The following IGF1R variants were observed in gnomAD, a reference collection of about 807,000 sequenced individuals.
IGF1R encodes insulin-like growth factor 1 receptor.
A neutral mutation model predicts 144.6 loss-of-function variants in IGF1R; 44 were observed. The observed-to-expected ratio is 0.30, with a 90% CI of 0.24 to 0.39. The LOEUF is 0.39. IGF1R is among the 10% of genes least tolerant of loss of function. The probability of loss-of-function intolerance (pLI) is 1.00; values close to 1 mark genes in which losing one functional copy is unlikely to be tolerated. For missense variants in IGF1R, 1,355 were observed against 1,833.7 expected, an observed-to-expected ratio of 0.74 and a Z score of 4.77; for synonymous variants, 795 against 722.8, an observed-to-expected ratio of 1.10 and a Z score of -1.60.
intron 2 of IGF1R, among the ~76,000 whole-genome samples, chr15:98,880,412 G>A (rs1363358728): frequency 3.3e-5 from 5 of 152,140 alleles, no homozygotes; most frequent in African/African-American, 7.2e-5. Flanking sequence ...TCTGCCCAGC[G>A]TTGCGTGTTG....
At chr15:98,884,563 G>A (rs543462918) in intron 2 of IGF1R, among the ~76,000 whole-genome samples, 56 of 151,906 alleles carry the variant, frequency 3.7e-4, no homozygotes, top group Non-Finnish European at 7.2e-4. Flanking sequence ...GCATGGTGGC[G>A]GGCGCCTGTA....
At chr15:98,688,414 C>CTGTG (rs10528336) in intron 1 of IGF1R, among the ~76,000 whole-genome samples, 6,259 of 143,542 alleles carry the variant, frequency 0.044, 179 homozygotes, top group South Asian at 0.07. Context: ...CAACACACAC[C>CTGTG]TGTGTGTGTG....
chr15:98,796,725 A>G (rs2056250913), intron 2 of IGF1R, among the ~76,000 whole-genome samples: 1 of 152,222 alleles, frequency 6.6e-6, no homozygotes, highest in Non-Finnish European at 1.5e-5. Flanking sequence ...ATGTATTCTT[A>G]TACATACACA....
At chr15:98,854,943 C>T (rs372592223) in intron 2 of IGF1R, among the ~76,000 whole-genome samples, 6 of 141,224 alleles carry the variant, frequency 4.2e-5, no homozygotes, top group African/African-American at 1.9e-4. Context: ...CCACCCCTGC[C>T]CCCCCCAACA....
Position 98,952,241 on chromosome 15 carries a change from C to T in IGF1R, c.3722+3533C>T, listed in dbSNP as rs529417797. 9.2e-5 allele frequency among the ~76,000 whole-genome samples: 14 copies of T among 151,678 alleles called. No individual in the cohort carries two copies. The South Asian group carries it at 2.7e-3, about 29-fold the overall frequency. On this transcript the variant is annotated intron_variant, in intron 20 of 20. Coordinates refer to ENST00000650285, the MANE Select transcript of IGF1R (RefSeq NM_000875.5). ...GTCAATCACGTGGGGATGTGAGCTCCAGGACACAGGGGAGAGGACCACTGG... is the reference window on the plus strand; with the variant it reads ...GTCAATCACGTGGGGATGTGAGCTCTAGGACACAGGGGAGAGGACCACTGG...
At chr15:98,871,008 T>C (rs1343047337) in intron 2 of IGF1R, among the ~76,000 whole-genome samples, 1 of 152,232 alleles carries the variant, frequency 6.6e-6, no homozygotes, top group East Asian at 1.9e-4. Flanking sequence ...GGCTGTCCTT[T>C]CCACCTCCAT....
At chr15:98,905,321 C>A (rs897844196) in intron 5 of IGF1R, among the ~76,000 whole-genome samples, 4 of 151,960 alleles carry the variant, frequency 2.6e-5, no homozygotes, top group Admixed American at 6.6e-5. Context: ...ATACCAATAT[C>A]AATAAAATCT....
chr15:98,930,110 T>G lies in IGF1R; in HGVS notation c.2886-125T>G, dbSNP rs1053195722. ...ACAAGAGCTGCTGTAGACAGTAAGCTCTCCCCATTCTGTTCTGATACCGTG... is the reference window on the plus strand; with the variant it reads ...ACAAGAGCTGCTGTAGACAGTAAGCGCTCCCCATTCTGTTCTGATACCGTG... On this transcript the variant is annotated intron_variant, in intron 14 of 20. Transcript: ENST00000650285. The G allele has an allele frequency of 2.7e-5, 20 of 752,304 alleles. 1 individual carries two copies. In the South Asian group the frequency reaches 3.0e-4, roughly 11 times the overall value. The allele number at this position is 752,304 out of a possible 1,614,324, so 46.6% of individuals were successfully genotyped here.
At chr15:98,720,090 C>G (rs2054212358) in intron 2 of IGF1R, among the ~76,000 whole-genome samples, 1 of 152,180 alleles carries the variant, frequency 6.6e-6, no homozygotes, top group African/African-American at 2.4e-5. Context: ...GAAGCATGGA[C>G]TTTCAGATGC....
rs762320839 is a variant in IGF1R, at chr15:98,942,972, A to G, written c.3507A>G (p.Gly1169=). The change falls in exon 19 of 21, where the codon GGA becomes GGG. Residue 1169 remains glycine (G), a synonymous_variant. Transcript: ENST00000650285. ...DIYETDYYRK[G]GKGLLPVRWM... Reference sequence around the variant, plus strand: ...ATGAGACAGACTATTACCGGAAAGGAGGGAAAGGGCTGCTGCCCGTGCGCT... The same window carrying G: ...ATGAGACAGACTATTACCGGAAAGGGGGGAAAGGGCTGCTGCCCGTGCGCT... The G allele has an allele frequency of 6.2e-7, 1 of 1,614,136 alleles. No homozygotes were observed. The highest frequency in any genetic ancestry group is 8.5e-7 in the Non-Finnish European group (1 of 1,179,996).
chr15:98,961,452 C>T lies in IGF1R; in HGVS notation c.*4010C>T. ...GTGATGGTGCAGTCACTTTACTGGA[C>T]CAACCCACCCACCTTGACTATACCA... On this transcript the variant is annotated 3_prime_UTR_variant, in exon 21 of 21. Coordinates refer to ENST00000650285, the MANE Select transcript of IGF1R (RefSeq NM_000875.5). The T allele has an allele frequency of 4.3e-6, 1 of 233,374 alleles. No individual in the cohort carries two copies. Among genetic ancestry groups the T allele is most frequent in the Non-Finnish European group, 8.5e-6 (1 of 118,002 alleles). The allele number at this position is 233,374 out of a possible 1,614,324, so 14.5% of individuals were successfully genotyped here.
chr15:98,734,453 G>C (rs1231975896), intron 2 of IGF1R, among the ~76,000 whole-genome samples: 1 of 151,996 alleles, frequency 6.6e-6, no homozygotes, highest in East Asian at 1.9e-4. Context: ...CCTTTTGGTT[G>C]TACCCAGCAC....
chr15:98,712,032 C>T (rs2054005234), intron 2 of IGF1R, among the ~76,000 whole-genome samples: 2 of 152,178 alleles, frequency 1.3e-5, no homozygotes, highest in Admixed American at 1.3e-4. Context: ...ATGGCCTAAT[C>T]ACCTCCCAGA....
At chr15:98,780,190 CTT>C (rs1239536479) in intron 2 of IGF1R, among the ~76,000 whole-genome samples, 1 of 150,970 alleles carries the variant, frequency 6.6e-6, no homozygotes, top group African/African-American at 2.4e-5. Context: ...AAAAAGAAAA[CTT>C]ATTCCTGTGT....
In IGF1R at chr15:98,823,542, T is replaced by C. The variant is rs1811634881; in HGVS notation, c.641-67783T>C. On this transcript the variant is annotated intron_variant, in intron 2 of 20. Coordinates refer to ENST00000650285, the MANE Select transcript of IGF1R (RefSeq NM_000875.5). ...ATGAAGACTAATTCAAAGTCTATTT[T>C]CTGGTTTTGCTCTACCAGTACGGCC... 3.9e-5 allele frequency among the ~76,000 whole-genome samples: 6 copies of C among 152,256 alleles called. 1 individual carries two copies. The South Asian group carries it at 1.2e-3, about 31-fold the overall frequency.
intron 2 of IGF1R, among the ~76,000 whole-genome samples, chr15:98,734,106 A>G (rs760324480): frequency 5.3e-5 from 8 of 152,246 alleles, no homozygotes; most frequent in Non-Finnish European, 8.8e-5. Context: ...TCAAAACTAG[A>G]TGATTATTTT....
intron 2 of IGF1R, among the ~76,000 whole-genome samples, chr15:98,713,116 C>T (rs148180077): frequency 1.3e-5 from 2 of 152,088 alleles, no homozygotes; most frequent in East Asian, 1.9e-4. Flanking sequence ...CCAGCCGGCA[C>T]GGCTCACCTG....
intron 4 of IGF1R, chr15:98,897,422 T>C (rs2014255204): frequency 5.8e-6 from 1 of 171,652 alleles, no homozygotes; most frequent in South Asian, 1.4e-4. Context: ...GTGTGTGTCA[T>C]TGTGTACATA....
At chr15:98,899,352 C>T in intron 4 of IGF1R, 125 bp from the exon 5 acceptor site, 4 of 924,208 alleles carry the variant, frequency 4.3e-6, no homozygotes, top group Non-Finnish European at 7.0e-6. Context: ...AGCAGCCAGT[C>T]CTGTGCTGGG....
Sources: gnomAD v4.1 joint callset for allele counts (sites outside exome capture counted in the v4.1 genomes callset) on GRCh38, gnomAD v4.1.1 for gene constraint, MANE v1.5 for transcripts, NCBI Gene and HGNC (gene_info 2026-07-23, HGNC 2026-07-21) for gene names.